Variants in RTEL1 observed in about 807,000 individuals in gnomAD.
The protein encoded by RTEL1 is regulator of telomere elongation helicase 1.
Under a neutral mutation model 162.2 loss-of-function variants are expected in RTEL1, and 86 were observed. That is an observed-to-expected ratio of 0.53 (90% CI 0.45 to 0.63). RTEL1 has a LOEUF of 0.63. RTEL1 is among the 30% of genes least tolerant of loss of function. The probability of loss-of-function intolerance (pLI) is 0.00; values close to 1 mark genes in which losing one functional copy is unlikely to be tolerated. For synonymous variants in RTEL1, 958 were observed against 717.9 expected, an observed-to-expected ratio of 1.33 and a Z score of -5.35; for missense variants, 1,941 against 1,750.2, an observed-to-expected ratio of 1.11 and a Z score of -1.95.
chr20:63,692,973 G>A lies in RTEL1; in HGVS notation c.2821G>A (p.Glu941Lys), dbSNP rs906116592. 5.0e-6 allele frequency: 8 copies of A among 1,612,516 alleles called. No homozygotes were observed. Among genetic ancestry groups the A allele is most frequent in the Middle Eastern group, 3.3e-4 (2 of 6,082 alleles). ...LAACLGPLFA[E>K]DPKKHNLLQG... Reference sequence around the variant, plus strand: ...CGCCTGTCTCGGCCCCCTCTTTGCTGAGGACCCCAAGAAGCACAACCTGCT... The same window carrying A: ...CGCCTGTCTCGGCCCCCTCTTTGCTAAGGACCCCAAGAAGCACAACCTGCT... Residue 941 changes from glutamate to lysine, a missense_variant, in exon 29 of 35, where the codon GAG becomes AAG. Glu to Lys is a moderately conservative substitution (Grantham distance 56, BLOSUM62 1). Transcript: ENST00000360203.
chr20:63,691,786 G>T lies in RTEL1; in HGVS notation c.2601G>T (p.Pro867=), dbSNP rs201545339. Residue 867 remains proline (P), a synonymous_variant, in exon 28 of 35, where the codon CCG becomes CCT. Transcript: ENST00000360203. ...STLSLLSEKR[P]AEEPRGGRKK... ...TGTCCCTCCTGTCTGAGAAGAGGCCGGCAGAAGAACCGCGAGGAGGGAGGA... is the reference window on the plus strand; with the variant it reads ...TGTCCCTCCTGTCTGAGAAGAGGCCTGCAGAAGAACCGCGAGGAGGGAGGA... 1 of 1,612,452 alleles carries T rather than the reference G, an allele frequency of 6.2e-7. No homozygotes were observed. Among genetic ancestry groups the T allele is most frequent in the Non-Finnish European group, 8.5e-7 (1 of 1,179,824 alleles).
chr20:63,694,328 C>T (rs777887835), intron 30 of RTEL1, 44 bp from the exon 31 acceptor site: 2 of 1,288,964 alleles, frequency 1.6e-6, no homozygotes, highest in Admixed American at 1.7e-5. Flanking sequence ...GGGAACTTTC[C>T]AGATGCTCTC....
Position 63,696,041 on chromosome 20 carries a change from T to A in RTEL1, c.*183T>A. The A allele has an allele frequency of 3.2e-6, 2 of 618,360 alleles. No homozygotes were observed. Among genetic ancestry groups the A allele is most frequent in the Non-Finnish European group, 5.6e-6 (2 of 358,252 alleles). The allele number at this position is 618,360 out of a possible 1,614,324, so 38.3% of individuals were successfully genotyped here. A position where few individuals can be genotyped will look rare whatever the true frequency, so the allele number is the denominator to read the frequency against. ...CGGTGGGACCGGATCTGGGCCTGCC[T>A]CTGAGAAGCCCTGAGCTACCTTGGG... is the stretch of plus-strand genomic sequence containing the variant. On this transcript the variant is annotated 3_prime_UTR_variant, in exon 35 of 35. Coordinates refer to ENST00000360203, the MANE Select transcript of RTEL1 (RefSeq NM_001283009.2).
At chr20:63,663,524 G>A (rs1279940743) in intron 6 of RTEL1, among the ~76,000 whole-genome samples, 1 of 152,218 alleles carries the variant, frequency 6.6e-6, no homozygotes, top group African/African-American at 2.4e-5. Context: ...GAGGGCCGGG[G>A]GTGCTTCTCC....
rs1274609500 is a variant in RTEL1, at chr20:63,662,498, G to A, written c.396-48G>A. 3 of 1,609,276 alleles carry A rather than the reference G, an allele frequency of 1.9e-6. No homozygotes were observed. Among genetic ancestry groups the A allele is most frequent in the African/African-American group, 2.7e-5 (2 of 74,898 alleles). Reference sequence around the variant, plus strand: ...GCTCACGCTGCAGGGCCACGCTGTGGGTGTTGGAGACAGCTCCTCCTCGAC... The same window carrying A: ...GCTCACGCTGCAGGGCCACGCTGTGAGTGTTGGAGACAGCTCCTCCTCGAC... On this transcript the variant is annotated intron_variant, in intron 4 of 34. Transcript: ENST00000360203.
intron 20 of RTEL1, 40 bp from the exon 21 acceptor site, chr20:63,688,488 G>C (rs770496959): frequency 1.9e-6 from 3 of 1,606,040 alleles, no homozygotes; most frequent in Admixed American, 1.7e-5. Flanking sequence ...GATCGGCGGC[G>C]TGACCAGGGC....
At chr20:63,683,368 G>A (rs1294106003) in intron 14 of RTEL1, among the ~76,000 whole-genome samples, 2 of 152,198 alleles carry the variant, frequency 1.3e-5, no homozygotes, top group Non-Finnish European at 2.9e-5. Flanking sequence ...TTCCATCCCC[G>A]TGGGCCAAAT....
At position 63,672,551 on chromosome 20, in the gene RTEL1, T is replaced by C. The variant is rs1163392836; in HGVS notation, c.700-5T>C. On this transcript the variant is annotated splice_polypyrimidine_tract_variant and splice_region_variant and intron_variant, in intron 8 of 34. Coordinates refer to ENST00000360203, the MANE Select transcript of RTEL1 (RefSeq NM_001283009.2). ...AGCGCTGCGTCCCTTCTCTTCCTCC[T>C]GTAGAGCCGCAGAGCACACAACATT... is the stretch of plus-strand genomic sequence containing the variant. 1.3e-6 allele frequency: 2 copies of C among 1,574,340 alleles called. No individual in the cohort carries two copies. Among genetic ancestry groups the C allele is most frequent in the African/African-American group, 1.3e-5 (1 of 74,434 alleles).
At chr20:63,692,528 C>T in intron 28 of RTEL1, 1 of 529,364 alleles carries the variant, frequency 1.9e-6, no homozygotes, top group Non-Finnish European at 3.4e-6. Flanking sequence ...CCATGCAGGA[C>T]CCCTGGCTTG....
intron 8 of RTEL1, among the ~76,000 whole-genome samples, chr20:63,671,698 C>T (rs575864065): frequency 7.0e-5 from 10 of 143,142 alleles, no homozygotes; most frequent in Admixed American, 4.9e-4. Context: ...TCACAGTGTT[C>T]GCCAGGCTGG....
At chr20:63,674,488 G>T (rs554592867) in intron 10 of RTEL1, among the ~76,000 whole-genome samples, 1 of 152,136 alleles carries the variant, frequency 6.6e-6, no homozygotes, top group South Asian at 2.1e-4. Flanking sequence ...TGGGAGCATC[G>T]CTTGAGGCCA....
rs1296968885 is a variant in RTEL1 at position 63,659,447 on chromosome 20, C to A, written c.45C>A (p.Phe15Leu). ...ATGGTGTGACCGTAGACTTCCCTTT[C>A]CAGCCCTACAAATGCCAACAGGAGT... ...VLNGVTVDFP[F>L]QPYKCQQEYM... The change falls in exon 2 of 35, where the codon TTC becomes TTA. Residue 15 changes from phenylalanine to leucine, a missense_variant. Physicochemically the swap from Phe to Leu is conservative, Grantham distance 22 (BLOSUM62 0). Transcript: ENST00000360203. The A allele has an allele frequency of 3.7e-6, 6 of 1,614,180 alleles. No individual in the cohort carries two copies. The highest frequency in any genetic ancestry group is 4.2e-6 in the Non-Finnish European group (5 of 1,179,998).
intron 6 of RTEL1, among the ~76,000 whole-genome samples, chr20:63,663,887 C>G (rs1248026754): frequency 6.6e-6 from 1 of 152,176 alleles, no homozygotes; most frequent in East Asian, 1.9e-4. Context: ...GAGACTGAGC[C>G]AGGTGGTCCC....
chr20:63,672,140 C>T (rs1257785196), intron 8 of RTEL1, among the ~76,000 whole-genome samples: 2 of 152,140 alleles, frequency 1.3e-5, no homozygotes, highest in Non-Finnish European at 2.9e-5. Flanking sequence ...CCTCGGCCTC[C>T]CAAAGTGCTG....
chr20:63,688,072 C>G (rs771408324), intron 18 of RTEL1, 22 bp downstream of exon 18: 1 of 1,612,024 alleles, frequency 6.2e-7, no homozygotes, highest in African/African-American at 1.3e-5. Context: ...TCCCTGGGCC[C>G]TGCTGGGGTG....
rs1568709038 is a variant in RTEL1 at position 63,688,560 on chromosome 20, G to A, written c.1755G>A (p.Leu585=). ...ARDLARKMEA[L]KPLFVEPRSK... is the part of the protein sequence containing the mutation. ...ACTTGGCCAGGAAGATGGAGGCGCTGAAGCCGCTGTTTGTGGAGCCCAGGA... is the reference window on the plus strand; with the variant it reads ...ACTTGGCCAGGAAGATGGAGGCGCTAAAGCCGCTGTTTGTGGAGCCCAGGA... The change falls in exon 21 of 35, where the codon CTG becomes CTA. Residue 585 remains leucine (L), a synonymous_variant. Transcript: ENST00000360203. The A allele has an allele frequency of 6.2e-7, 1 of 1,610,524 alleles. No individual in the cohort carries two copies. The highest frequency in any genetic ancestry group is 1.3e-5 in the African/African-American group (1 of 75,034).
intron 10 of RTEL1, among the ~76,000 whole-genome samples, chr20:63,675,429 G>T (rs1331775784): frequency 6.6e-6 from 1 of 151,576 alleles, no homozygotes; most frequent in Non-Finnish European, 1.5e-5. Flanking sequence ...TGGCTGCTTG[G>T]TAGAGAGTGA....
chr20:63,662,626 A>G lies in RTEL1; in HGVS notation c.476A>G (p.Gln159Arg). Reference sequence around the variant, plus strand: ...AAGAAACAAGAGAGTAACCATCTACAGGTAGGCTCCTGGGCTCCCGCTCCG... The same window carrying G: ...AAGAAACAAGAGAGTAACCATCTACGGGTAGGCTCCTGGGCTCCCGCTCCG... ...EVKKQESNHL[Q>R]IHLCRKKVAS... The change falls in exon 5 of 35, where the codon CAG becomes CGG. Residue 159 changes from glutamine to arginine, a missense_variant and splice_region_variant. Coordinates refer to ENST00000360203, the MANE Select transcript of RTEL1 (RefSeq NM_001283009.2). 3.1e-6 allele frequency: 5 copies of G among 1,613,762 alleles called. No homozygotes were observed. The highest frequency in any genetic ancestry group is 4.2e-6 in the Non-Finnish European group (5 of 1,179,868).
At position 63,662,984 on chromosome 20, in the gene RTEL1, G is replaced by A. The variant is rs1011866027; in HGVS notation, c.538+95G>A. The stretch of plus-strand genomic sequence containing the variant: ...TGTCACAGCCTGGTTGTGCTTGCCC[G>A]GTGGGGCGGCCAGTGCGGCCATGTA... On this transcript the variant is annotated intron_variant, in intron 6 of 34. Transcript: ENST00000360203. The A allele has an allele frequency of 2.0e-5, 25 of 1,261,708 alleles. No homozygotes were observed. In the East Asian group the frequency reaches 3.5e-4, roughly 18 times the overall value. The allele number at this position is 1,261,708 out of a possible 1,614,324, so 78.2% of individuals were successfully genotyped here.
Sources: gnomAD v4.1 joint callset for allele counts (sites outside exome capture counted in the v4.1 genomes callset) on GRCh38, gnomAD v4.1.1 for gene constraint, MANE v1.5 for transcripts, NCBI Gene and HGNC (gene_info 2026-07-23, HGNC 2026-07-21) for gene names.